The following ERCC6 variants were observed in gnomAD, a reference collection of about 807,000 sequenced individuals.
ERCC6 encodes the protein ERCC excision repair 6, chromatin remodeling factor.
In ERCC6, 116 loss-of-function variants were observed where a neutral mutation model predicts 158.7. The ratio of observed to expected loss-of-function variants is 0.73; its 90% CI spans 0.63 to 0.85. ERCC6 has a LOEUF of 0.85. Ranked by LOEUF, ERCC6 falls within the 40% of genes least tolerant of loss-of-function variation. ERCC6 has a pLI of 0.00. For synonymous variants in ERCC6, 678 were observed against 659.3 expected, an observed-to-expected ratio of 1.03 and a Z score of -0.43; for missense variants, 1,698 against 1,799.4, an observed-to-expected ratio of 0.94 and a Z score of 1.02.
rs1167725262 is a variant in ERCC6 at position 49,524,742 on chromosome 10, G to T, written c.688C>A (p.Pro230Thr). 2 of 1,604,322 alleles carry T rather than the reference G, an allele frequency of 1.2e-6. No homozygotes were observed. The highest frequency in any genetic ancestry group is 1.7e-6 in the Non-Finnish European group (2 of 1,179,994). Residue 230 changes from proline (P) to threonine (T), a missense_variant, in exon 5 of 21, where the codon CCT (proline) becomes ACT (threonine). Pro to Thr is a conservative substitution (Grantham distance 38, BLOSUM62 -1). Coordinates refer to ENST00000355832, the MANE Select transcript of ERCC6 (RefSeq NM_000124.4). ...GPSSLGSMLM[P>T]VQETAWEELI... ...TCTTCCCAGGCAGTCTCCTGGACAGGCATGAGCATGCTGCCAAGACTGGAT... is the reference window on the plus strand; with the variant it reads ...TCTTCCCAGGCAGTCTCCTGGACAGTCATGAGCATGCTGCCAAGACTGGAT...
intron 18 of ERCC6, among the ~76,000 whole-genome samples, chr10:49,463,001 A>G (rs1850610648): frequency 6.6e-6 from 1 of 152,232 alleles, no homozygotes; most frequent in South Asian, 2.1e-4. Flanking sequence ...CACTGTGGCT[A>G]AAAGAAGCTA....
chr10:49,443,132 A>G, the ERCC6 span, among the ~76,000 whole-genome samples: 4 of 152,246 alleles, frequency 2.6e-5, no homozygotes, highest in Non-Finnish European at 4.4e-5. Context: ...CAGAACAGAC[A>G]TTGAATGGGA....
In ERCC6 at chr10:49,500,703, C is replaced by T. The variant is rs1325036042; in HGVS notation, c.1527-7G>A. ...AACACCTGTCTGCTGGTACCTATGACAACAAACACCAACAAGAAAAGAGAA... is the reference window on the plus strand; with the variant it reads ...AACACCTGTCTGCTGGTACCTATGATAACAAACACCAACAAGAAAAGAGAA... On this transcript the variant is annotated splice_region_variant and splice_polypyrimidine_tract_variant and intron_variant, in intron 6 of 20. Coordinates refer to ENST00000355832, the MANE Select transcript of ERCC6 (RefSeq NM_000124.4). The T allele has an allele frequency of 1.9e-6, 3 of 1,613,220 alleles. No homozygotes were observed. Among genetic ancestry groups the T allele is most frequent in the Non-Finnish European group, 2.5e-6 (3 of 1,179,762 alleles).
chr10:49,452,978 T>C (rs1027689240), downstream of ERCC6, among the ~76,000 whole-genome samples: 4 of 152,164 alleles, frequency 2.6e-5, no homozygotes, highest in Non-Finnish European at 1.5e-5. Context: ...TATGGGAGCA[T>C]AGATAACATA....
At chr10:49,513,570 G>T (rs1836862696) in intron 5 of ERCC6, among the ~76,000 whole-genome samples, 1 of 152,122 alleles carries the variant, frequency 6.6e-6, no homozygotes, top group South Asian at 2.1e-4. Context: ...GGCACGGCTG[G>T]GAGGCCTCAG....
At chr10:49,471,372 A>T (rs369915877) in intron 16 of ERCC6, among the ~76,000 whole-genome samples, 4 of 152,196 alleles carry the variant, frequency 2.6e-5, no homozygotes, top group African/African-American at 9.7e-5. Context: ...TCAACCTCCA[A>T]GATCTAACAC....
At chr10:49,436,442 T>C in the ERCC6 span, among the ~76,000 whole-genome samples, 2 of 151,952 alleles carry the variant, frequency 1.3e-5, no homozygotes, top group African/African-American at 4.8e-5. Flanking sequence ...CTACACTGAA[T>C]CTGAATCAAG....
At chr10:49,479,109 CAA>C (rs747568593) in intron 10 of ERCC6, among the ~76,000 whole-genome samples, 2 of 133,840 alleles carry the variant, frequency 1.5e-5, no homozygotes. Context: ...TAAATATACG[CAA>C]AAAAAAAAAG....
At chr10:49,436,838 T>C in the ERCC6 span, among the ~76,000 whole-genome samples, 18 of 152,294 alleles carry the variant, frequency 1.2e-4, no homozygotes, top group Admixed American at 1.0e-3. Context: ...TGCCTTTCAA[T>C]AAGAAATCAC....
In ERCC6 at chr10:49,524,457, C is replaced by T; in HGVS notation, c.973G>A (p.Glu325Lys). 5.0e-6 allele frequency: 8 copies of T among 1,614,196 alleles called. No individual in the cohort carries two copies. Among genetic ancestry groups the T allele is most frequent in the Non-Finnish European group, 6.8e-6 (8 of 1,180,030 alleles). Reference protein sequence around the residue: ...NKKARVLSKKEERLKKHIKKL... With the variant: ...NKKARVLSKKKERLKKHIKKL... ...TTGATGTGCTTTTTCAAACGCTCCT[C>T]TTTTTTGGACAGAACTCTGGCTTTC... The change falls in exon 5 of 21, where the codon GAG (glutamate) becomes AAG (lysine). Residue 325 changes from glutamate (E) to lysine (K), a missense_variant. Glu to Lys is a moderately conservative substitution (Grantham distance 56). Coordinates refer to ENST00000355832, the MANE Select transcript of ERCC6 (RefSeq NM_000124.4).
Position 49,492,837 on chromosome 10 carries a change from C to T in ERCC6, c.1821+280G>A, listed in dbSNP as rs532327278. 3.3e-5 allele frequency among the ~76,000 whole-genome samples: 5 copies of T among 152,354 alleles called. No individual in the cohort carries two copies. In the East Asian group the frequency reaches 9.6e-4, roughly 29 times the overall value. ...CCACCTGACTTATGACTCCAACCCA[C>T]ACTGCCAGGCTTGTGCCCTGTCTGA... On this transcript the variant is annotated intron_variant, in intron 8 of 20. Transcript: ENST00000355832.
intron 6 of ERCC6, chr10:49,500,908 A>G: frequency 1.7e-6 from 1 of 574,646 alleles, no homozygotes; most frequent in Non-Finnish European, 3.1e-6. Flanking sequence ...TTCTTTACAA[A>G]ACATTAACAC....
chr10:49,460,418 G>T lies in ERCC6; in HGVS notation c.4017C>A (p.Phe1339Leu), dbSNP rs200428567. Reference protein sequence around the residue: ...SRFGKKRNSNFSVQHPSSTSP... With the variant: ...SRFGKKRNSNLSVQHPSSTSP... ...ATGTTGATGAAGGATGCTGCACAGAGAAGTTAGAATTCCTTTTCTTACCAA... is the reference window on the plus strand; with the variant it reads ...ATGTTGATGAAGGATGCTGCACAGATAAGTTAGAATTCCTTTTCTTACCAA... The change falls in exon 20 of 21, where the codon TTC becomes TTA. Residue 1339 changes from phenylalanine (F) to leucine (L), a missense_variant. By Grantham distance (22) the Phe-to-Leu change is conservative. Transcript: ENST00000355832. The T allele has an allele frequency of 6.2e-7, 1 of 1,613,662 alleles. No individual in the cohort carries two copies. The highest frequency in any genetic ancestry group is 8.5e-7 in the Non-Finnish European group (1 of 1,179,550).
At chr10:49,529,664 G>A (rs891381746) in intron 3 of ERCC6, among the ~76,000 whole-genome samples, 1 of 152,114 alleles carries the variant, frequency 6.6e-6, no homozygotes, top group Admixed American at 6.5e-5. Context: ...GGAGGGCCAC[G>A]TGAACTGAAC....
At chr10:49,500,916 C>A in intron 6 of ERCC6, 6 of 559,470 alleles carry the variant, frequency 1.1e-5, no homozygotes, top group Non-Finnish European at 1.3e-5. Flanking sequence ...AAAACATTAA[C>A]ACATTTCTAA....
At chr10:49,485,009 C>T (rs927902887) in intron 8 of ERCC6, among the ~76,000 whole-genome samples, 2 of 152,196 alleles carry the variant, frequency 1.3e-5, no homozygotes, top group Non-Finnish European at 2.9e-5. Context: ...TAGGCAAGGA[C>T]TTGGAAGATC....
Position 49,532,902 on chromosome 10 carries a change from T to C in ERCC6, c.63A>G (p.Gln21=), listed in dbSNP as rs772047558. The C allele has an allele frequency of 2.9e-5, 47 of 1,614,116 alleles. No individual in the cohort carries two copies. The highest frequency in any genetic ancestry group is 4.0e-5 in the Non-Finnish European group (47 of 1,180,054). The change falls in exon 2 of 21, where the codon CAA becomes CAG. Residue 21 remains glutamine, a synonymous_variant. Coordinates refer to ENST00000355832, the MANE Select transcript of ERCC6 (RefSeq NM_000124.4). The part of the protein sequence containing the change: ...QTQEQDCLQS[Q]PVSNNEEMAI... ...CCATTTCTTCATTATTACTGACAGGTTGACTCTGTAAACAGTCTTGCTCCT... is the reference window on the plus strand; with the variant it reads ...CCATTTCTTCATTATTACTGACAGGCTGACTCTGTAAACAGTCTTGCTCCT...
intron 6 of ERCC6, chr10:49,504,789 T>C (rs1851415878): frequency 6.6e-6 from 1 of 152,310 alleles, no homozygotes; most frequent in East Asian, 1.9e-4. Flanking sequence ...TACACGGCTG[T>C]TCCTCTGTCC....
chr10:49,495,317 G>A (rs1451185723), intron 7 of ERCC6, among the ~76,000 whole-genome samples: 1 of 152,096 alleles, frequency 6.6e-6, no homozygotes, highest in Non-Finnish European at 1.5e-5. Context: ...GGGCATCACA[G>A]GGCCACACGC....
Sources: allele counts gnomAD v4.1 joint callset (sites outside exome capture counted in the v4.1 genomes callset), GRCh38; gene constraint gnomAD v4.1.1; transcripts MANE v1.5; gene names NCBI Gene and HGNC (gene_info 2026-07-23, HGNC 2026-07-21).